Variants in DNAH1 observed in about 807,000 individuals in gnomAD.
DNAH1 encodes axonemal beta dynein heavy chain 1.
Under a neutral mutation model 484.3 loss-of-function variants are expected in DNAH1, and 327 were observed. The observed-to-expected ratio is 0.68, with a 90% confidence interval of 0.62 to 0.74. The LOEUF (loss-of-function observed/expected upper bound fraction) is 0.74. DNAH1 is among the 30% of genes least tolerant of loss of function. The pLI is 0.00. For synonymous variants in DNAH1, 2,192 were observed against 2,191.9 expected (o/e 1.00, Z 0.00); for missense variants, 5,052 against 5,546.8 (o/e 0.91, Z 2.83).
chr3:52,369,005 A>C lies in DNAH1; in HGVS notation c.5943+87A>C, dbSNP rs147925210. On this transcript the variant is annotated intron_variant, in intron 37 of 77. Coordinates refer to ENST00000420323, the MANE Select transcript of DNAH1 (RefSeq NM_015512.5). ...CATGCTGGCCAAACTCTGCCCCCTC[A>C]CCCCTTTCTCTCAGGGCCATGGGTC... 1.6e-4 allele frequency: 229 copies of C among 1,462,320 alleles called. 1 individual carries two copies. The African/African-American group carries it at 2.7e-3, about 17-fold the overall frequency. The allele number at this position is 1,462,320 out of a possible 1,614,324, so 90.6% of individuals were successfully genotyped here. A position where few individuals can be genotyped will look rare whatever the true frequency, so the allele number is the denominator to read the frequency against.
intron 2 of DNAH1, among the ~76,000 whole-genome samples, chr3:52,323,421 C>T (rs192188757): frequency 2.5e-4 from 38 of 152,328 alleles, no homozygotes; most frequent in Admixed American, 2.0e-3. Context: ...CCAAGAAAGA[C>T]AGGGTGAGGA....
chr3:52,356,478 C>A, intron 21 of DNAH1, 136 bp from the exon 22 acceptor site: 1 of 821,226 alleles, frequency 1.2e-6, no homozygotes, highest in East Asian at 2.7e-5. Flanking sequence ...TAGAAATCTC[C>A]CTGTAGACAC....
At chr3:52,399,448 C>T in intron 76 of DNAH1, 97 bp from the exon 77 acceptor site, 1 of 1,112,116 alleles carries the variant, frequency 9.0e-7, no homozygotes. Flanking sequence ...GGCAGGCAGG[C>T]AGCATTAGGC....
rs200056328 is a variant in DNAH1 at position 52,399,671 on chromosome 3, G to C, written c.12568G>C (p.Glu4190Gln). The C allele has an allele frequency of 7.4e-6, 12 of 1,613,902 alleles. No homozygotes were observed. Among genetic ancestry groups the C allele is most frequent in the African/African-American group, 1.3e-5 (1 of 74,916 alleles). Residue 4190 changes from glutamate to glutamine, a missense_variant, in exon 77 of 78, where the codon GAG (glutamate) becomes CAG (glutamine). Physicochemically the swap from Glu to Gln is conservative, Grantham distance 29. This residue lies in a region of DNAH1 where 853 missense variants were observed against 899.0 expected (regional missense o/e 0.95). Coordinates refer to ENST00000420323, the MANE Select transcript of DNAH1 (RefSeq NM_015512.5). ...CCAGCTGGCTGAGTCTCAGCCCAAG[G>C]AGCTGTACACAGAGATGGCCGTTAT... ...AFQLAESQPK[E>Q]LYTEMAVIWL...
Position 52,353,330 on chromosome 3 carries a change from C to G in DNAH1, c.3226+29C>G. 6.2e-7 allele frequency: 1 copy of G among 1,608,426 alleles called. No individual in the cohort carries two copies. The highest frequency in any genetic ancestry group is 1.3e-5 in the African/African-American group (1 of 75,006). On this transcript the variant is annotated intron_variant, in intron 19 of 77. Coordinates refer to ENST00000420323, the MANE Select transcript of DNAH1 (RefSeq NM_015512.5). The surrounding 1 kb of genome is among the most constrained non-coding windows in gnomAD (Gnocchi z 5.0). ...GGGAGCCAAGCCGGCCAATCCCCTC[C>G]TCCCTGCCTCTGCCGCCTGCCTCTC...
chr3:52,391,700 T>A, intron 63 of DNAH1, 97 bp downstream of exon 63: 2 of 1,439,286 alleles, frequency 1.4e-6, no homozygotes, highest in Non-Finnish European at 1.9e-6. Context: ...AGTGGGACTT[T>A]CCCCCACTCA....
In DNAH1 at chr3:52,357,391, C is replaced by G. The variant is rs116704779; in HGVS notation, c.3859-223C>G. 7.5e-3 allele frequency among the ~76,000 whole-genome samples: 1,142 copies of G among 152,292 alleles called. 5 individuals carry two copies. Among genetic ancestry groups the G allele is most frequent in the Non-Finnish European group, 0.011 (776 of 68,030 alleles). Reference sequence around the variant, plus strand: ...TTAGAAGCTCTGACAAGTCCTGCAGCAAAGCAAACTCTTTAGCTTTGTTTA... The same window carrying G: ...TTAGAAGCTCTGACAAGTCCTGCAGGAAAGCAAACTCTTTAGCTTTGTTTA... On this transcript the variant is annotated intron_variant, in intron 22 of 77. Transcript: ENST00000420323.
In DNAH1 at chr3:52,383,693, A is replaced by G. The variant is rs1196133984; in HGVS notation, c.8150+99A>G. The G allele has an allele frequency of 2.1e-6, 3 of 1,422,582 alleles. No individual in the cohort carries two copies. The Admixed American group carries it at 7.5e-5, about 36-fold the overall frequency. The allele number at this position is 1,422,582 out of a possible 1,614,324, so 88.1% of individuals were successfully genotyped here. A position where few individuals can be genotyped will look rare whatever the true frequency, so the allele number is the denominator to read the frequency against. Reference sequence around the variant, plus strand: ...TGGATGCCATGCGCTGGGGCCTGAGATGAGGAGACGCGGCCCTGGGCCTGG... The same window carrying G: ...TGGATGCCATGCGCTGGGGCCTGAGGTGAGGAGACGCGGCCCTGGGCCTGG... On this transcript the variant is annotated intron_variant, in intron 51 of 77. Coordinates refer to ENST00000420323, the MANE Select transcript of DNAH1 (RefSeq NM_015512.5).
rs1379716951 is a variant in DNAH1 at position 52,346,761 on chromosome 3, G to A, written c.1946G>A (p.Ser649Asn). The change falls in exon 11 of 78, where the codon AGC (serine) becomes AAC (asparagine). Residue 649 changes from serine to asparagine, a missense_variant. Ser to Asn is a conservative substitution (Grantham distance 46). Around this residue, in one of 4 missense-constraint regions of DNAH1, gnomAD observed 1,263 missense variants for 1,218.8 expected, o/e 1.04. Transcript: ENST00000420323. Reference sequence around the variant, plus strand: ...GTCTGGGGTGACGACTTAATTAACAGCCCCTACAGGTGGGGCCCGGCGGGG... The same window carrying A: ...GTCTGGGGTGACGACTTAATTAACAACCCCTACAGGTGGGGCCCGGCGGGG... ...DMVWGDDLIN[S>N]PYRPRKNPLF... The A allele has an allele frequency of 2.5e-6, 4 of 1,604,538 alleles. No homozygotes were observed. The South Asian group carries it at 3.3e-5, about 13-fold the overall frequency.
At chr3:52,377,120 C>A (rs1051309460) in intron 46 of DNAH1, among the ~76,000 whole-genome samples, 1 of 152,194 alleles carries the variant, frequency 6.6e-6, no homozygotes, top group African/African-American at 2.4e-5. Flanking sequence ...CCAGACCTCT[C>A]CCATGAATGC....
Position 52,368,614 on chromosome 3 carries a change from TA to T in DNAH1, c.5766-123del. 1.9e-6 allele frequency: 2 copies of T among 1,031,024 alleles called. No individual in the cohort carries two copies. Among genetic ancestry groups the T allele is most frequent in the South Asian group, 1.6e-5 (1 of 61,894 alleles). 63.9% of individuals were successfully genotyped at this position (1,031,024 alleles called of 1,614,324 possible). On this transcript the variant is annotated intron_variant, in intron 36 of 77. Transcript: ENST00000420323. This position sits in a 1 kb window ranked among gnomAD's most constrained non-coding sequence, Gnocchi z 4.4. ...ATCCCACTTTTCCTATTATAATTTTTAAAAGAACAAAGAGATTGAAGGAAAG... is the reference window on the plus strand; with the variant it reads ...ATCCCACTTTTCCTATTATAATTTTTAAAGAACAAAGAGATTGAAGGAAAG...
intron 76 of DNAH1, 87 bp from the exon 77 acceptor site, chr3:52,399,458 C>A: frequency 8.3e-7 from 1 of 1,209,942 alleles, no homozygotes; most frequent in Non-Finnish European, 1.2e-6. Context: ...CAGCATTAGG[C>A]AGCTCTCTCA....
In DNAH1 at chr3:52,332,142, G is replaced by A. The variant is rs1204575090; in HGVS notation, c.1034G>A (p.Gly345Glu). The change falls in exon 8 of 78, where the codon GGA (glycine) becomes GAA (glutamate). Residue 345 changes from glycine to glutamate, a missense_variant and splice_region_variant. Physicochemically the swap from Gly to Glu is moderately conservative, Grantham distance 98. This residue lies in a region of DNAH1 where 1,263 missense variants were observed against 1,218.8 expected (regional missense o/e 1.04). Transcript: ENST00000420323. ...CTTCTCCCTCTCACCCGGCCCCCAGGAAGGCCACCCCTTCAGGTCTGTCAG... is the reference window on the plus strand; with the variant it reads ...CTTCTCCCTCTCACCCGGCCCCCAGAAAGGCCACCCCTTCAGGTCTGTCAG... ...PILNAGVTTE[G>E]RPPLQVCQYW... 1.9e-6 allele frequency: 3 copies of A among 1,553,018 alleles called. No individual in the cohort carries two copies. Among genetic ancestry groups the A allele is most frequent in the South Asian group, 1.2e-5 (1 of 84,776 alleles).
chr3:52,382,243 A>G, intron 49 of DNAH1, 77 bp from the exon 50 acceptor site: 1 of 1,607,882 alleles, frequency 6.2e-7, no homozygotes, highest in Non-Finnish European at 8.5e-7. Flanking sequence ...TGGTCAGGGT[A>G]GGGTGTGGTC....
chr3:52,393,094 G>T, intron 65 of DNAH1, 69 bp downstream of exon 65: 1 of 1,555,206 alleles, frequency 6.4e-7, no homozygotes, highest in Non-Finnish European at 8.8e-7. Flanking sequence ...CCACTGTGGG[G>T]CACACACAAA....
Position 52,380,009 on chromosome 3 carries a change from G to A in DNAH1, c.7482G>A (p.Lys2494=). 6.3e-7 allele frequency: 1 copy of A among 1,593,650 alleles called. No homozygotes were observed. Among genetic ancestry groups the A allele is most frequent in the East Asian group, 2.3e-5 (1 of 43,782 alleles). The change falls in exon 48 of 78, where the codon AAG becomes AAA. Residue 2494 remains lysine (K), a synonymous_variant. Transcript: ENST00000420323. The part of the protein sequence containing the change: ...EDRSWFDQLL[K]RCMEQWEVTF... The stretch of plus-strand genomic sequence containing the variant: ...GCAGCTGGTTCGACCAGCTCCTCAA[G>A]CGCTGCATGGAGCAGTGGGAGGTGA...
intron 44 of DNAH1, chr3:52,374,876 C>G (rs1336423060): frequency 8.3e-6 from 9 of 1,082,182 alleles, no homozygotes; most frequent in African/African-American, 1.6e-5. Flanking sequence ...TAGCCAAAGC[C>G]AATCCCCAGG....
Position 52,326,792 on chromosome 3 carries a change from C to T in DNAH1, c.639C>T (p.Ile213=), listed in dbSNP as rs548996613. 1.1e-5 allele frequency: 18 copies of T among 1,613,782 alleles called. No individual in the cohort carries two copies. The highest frequency in any genetic ancestry group is 1.0e-4 in the Admixed American group (6 of 59,994). ...AGCAGTTGCTGTTCAGCCAGGGCATCGACTCCAACAAGCTCATGCCCAGGC... is the reference window on the plus strand; with the variant it reads ...AGCAGTTGCTGTTCAGCCAGGGCATTGACTCCAACAAGCTCATGCCCAGGC... The part of the protein sequence containing the change: ...DIEQLLFSQG[I]DSNKLMPRHL... Residue 213 remains isoleucine (I), a synonymous_variant, in exon 5 of 78, where the codon ATC becomes ATT. Transcript: ENST00000420323.
At position 52,361,709 on chromosome 3, in the gene DNAH1, G is replaced by T; in HGVS notation, c.4923G>T (p.Glu1641Asp). 6.2e-7 allele frequency: 1 copy of T among 1,611,778 alleles called. No homozygotes were observed. The change falls in exon 30 of 78, where the codon GAG becomes GAT. Residue 1641 changes from glutamate to aspartate, a missense_variant. Glu to Asp is a conservative substitution (Grantham distance 45). Coordinates refer to ENST00000420323, the MANE Select transcript of DNAH1 (RefSeq NM_015512.5). This position sits in a 1 kb window ranked among gnomAD's most constrained non-coding sequence, Gnocchi z 5.6. Reference protein sequence around the residue: ...CFDEFNRIDIEVLSVVAQQIT... With the variant: ...CFDEFNRIDIDVLSVVAQQIT... ...ACGAGTTCAATCGCATCGACATCGA[G>T]GTGCTGTCTGTGGTGGCGCAGCAGA...
Sources: allele counts gnomAD v4.1 joint callset (sites outside exome capture counted in the v4.1 genomes callset), GRCh38; gene constraint gnomAD v4.1.1; regional missense constraint gnomAD v4.1.1; non-coding constraint Gnocchi (gnomAD v3.1); transcripts MANE v1.5; gene names NCBI Gene and HGNC (gene_info 2026-07-23, HGNC 2026-07-21).